Variants in PHTF2 observed in about 807,000 individuals in gnomAD.
The protein encoded by PHTF2 is protein PHTF2.
In PHTF2, 60 loss-of-function variants were observed where a neutral mutation model predicts 101.2. That is an observed-to-expected ratio of 0.59 (90% CI 0.48 to 0.73). The LOEUF is 0.73. Among genes scored for constraint, PHTF2 ranks in the 30% least tolerant of loss-of-function variants. The pLI is 0.00. For missense variants in PHTF2, 747 were observed against 908.7 expected (o/e 0.82, Z 2.29); for synonymous variants, 311 against 307.3 (o/e 1.01, Z -0.13).
At chr7:77,912,381 G>C (rs955039131) in intron 9 of PHTF2, among the ~76,000 whole-genome samples, 2 of 152,174 alleles carry the variant, frequency 1.3e-5, no homozygotes, top group African/African-American at 2.4e-5. Flanking sequence ...GTCCTAAGCT[G>C]AGTTCAGAGA....
intron 1 of PHTF2, among the ~76,000 whole-genome samples, chr7:77,820,639 A>G (rs1471273866): frequency 6.6e-6 from 1 of 152,068 alleles, no homozygotes; most frequent in Non-Finnish European, 1.5e-5. Context: ...CAGTCTCCCA[A>G]AGCAGTGGGA....
At chr7:77,919,097 A>G (rs1424695586) in intron 9 of PHTF2, among the ~76,000 whole-genome samples, 1 of 152,158 alleles carries the variant, frequency 6.6e-6, no homozygotes, top group African/African-American at 2.4e-5. Flanking sequence ...TAATAGTCAG[A>G]AGGTCTGTAC....
chr7:77,884,956 G>A (rs929808321), intron 3 of PHTF2, among the ~76,000 whole-genome samples: 13 of 152,054 alleles, frequency 8.5e-5, no homozygotes, highest in African/African-American at 2.7e-4. Flanking sequence ...AGGTATAAAA[G>A]CAACATAAAC....
chr7:77,822,045 C>T (rs550555774), intron 1 of PHTF2, among the ~76,000 whole-genome samples: 155 of 152,220 alleles, frequency 1.0e-3, no homozygotes, highest in African/African-American at 3.5e-3. Context: ...TCTGCCAGCC[C>T]GAGGGATGTA....
rs548433839 is a variant in PHTF2, at chr7:77,939,647, C to T, written c.1468-383C>T. Among the ~76,000 whole-genome samples the T allele has an allele frequency of 1.3e-4, 20 of 148,570 alleles. No homozygotes were observed. In the East Asian group the frequency reaches 2.4e-3, roughly 18 times the overall value. On this transcript the variant is annotated intron_variant, in intron 13 of 19. Coordinates refer to ENST00000416283, the Ensembl canonical transcript of PHTF2. Reference sequence around the variant, plus strand: ...AAACCTCAAGTTACAAATGTACAAACGTATGAAATAAGTGTAATGCTGAGT... The same window carrying T: ...AAACCTCAAGTTACAAATGTACAAATGTATGAAATAAGTGTAATGCTGAGT...
intron 15 of PHTF2, among the ~76,000 whole-genome samples, chr7:77,942,222 A>G (rs905582706): frequency 6.6e-5 from 10 of 152,188 alleles, no homozygotes; most frequent in Admixed American, 2.0e-4. Context: ...CTCCCTGCCA[A>G]GTATCTCAAA....
chr7:77,824,103 C>G (rs143137800), intron 1 of PHTF2, among the ~76,000 whole-genome samples: 12 of 152,098 alleles, frequency 7.9e-5, no homozygotes, highest in Non-Finnish European at 1.5e-4. Flanking sequence ...TTTATTCCTT[C>G]ATAATTATTG....
At chr7:77,822,717 G>A (rs959645599) in intron 1 of PHTF2, among the ~76,000 whole-genome samples, 3 of 152,036 alleles carry the variant, frequency 2.0e-5, no homozygotes, top group Non-Finnish European at 2.9e-5. Flanking sequence ...CTTCCATGCT[G>A]CCCTCCAATC....
At chr7:77,913,485 TAA>T (rs996587649) in intron 9 of PHTF2, among the ~76,000 whole-genome samples, 45 of 152,264 alleles carry the variant, frequency 3.0e-4, no homozygotes, top group African/African-American at 9.4e-4. Context: ...TAGTTTCTAT[TAA>T]AGAGATTGAA....
intron 16 of PHTF2, 70 bp from the exon 16 acceptor site, chr7:77,949,608 G>A: frequency 3.9e-6 from 3 of 762,318 alleles, no homozygotes; most frequent in Admixed American, 6.2e-5. Flanking sequence ...AACAATCTAT[G>A]TTTATTTCTT....
intron 7 of PHTF2, among the ~76,000 whole-genome samples, chr7:77,902,130 G>A (rs1425909312): frequency 1.3e-5 from 2 of 151,844 alleles, no homozygotes; most frequent in East Asian, 1.9e-4. Flanking sequence ...TCTATAGATG[G>A]CTAAAGAAAA....
chr7:77,837,978 A>C (rs1185920819), intron 1 of PHTF2, among the ~76,000 whole-genome samples: 1 of 152,182 alleles, frequency 6.6e-6, no homozygotes, highest in Non-Finnish European at 1.5e-5. Context: ...AATATTTGTC[A>C]ATAAAGATTG....
At chr7:77,915,245 C>T (rs848479) in intron 9 of PHTF2, among the ~76,000 whole-genome samples, 3 of 138,154 alleles carry the variant, frequency 2.2e-5, no homozygotes, top group Non-Finnish European at 3.1e-5. Context: ...TTTGAGATGG[C>T]GTCTCACTCT....
At chr7:77,931,747 G>T (rs957857588) in intron 12 of PHTF2, among the ~76,000 whole-genome samples, 1 of 152,138 alleles carries the variant, frequency 6.6e-6, no homozygotes, top group African/African-American at 2.4e-5. Context: ...ATTGCATTGT[G>T]CATGATAGTG....
chr7:77,871,256 C>T (rs981240688), intron 3 of PHTF2, among the ~76,000 whole-genome samples: 7 of 152,162 alleles, frequency 4.6e-5, no homozygotes, highest in Non-Finnish European at 8.8e-5. Flanking sequence ...TATTAAGAGA[C>T]GCCTTAATGG....
intron 11 of PHTF2, among the ~76,000 whole-genome samples, chr7:77,925,603 G>A (rs921850152): frequency 7.1e-6 from 1 of 141,542 alleles, no homozygotes; most frequent in South Asian, 2.3e-4. Context: ...TCCGCCTCCC[G>A]GGTTCAAGTG....
At position 77,954,132 on chromosome 7, in the gene PHTF2, G is replaced by GT. The variant is rs1020971605; in HGVS notation, c.2337+246dup. Among the ~76,000 whole-genome samples the GT allele has an allele frequency of 5.0e-4, 76 of 151,806 alleles. 1 individual carries two copies. In the Middle Eastern group the frequency reaches 0.01, roughly 20 times the overall value. ...TGTGTAGGATAAGTAGAAGTATTTG[G>GT]TTTTTTTTATTTTTTATTTTGAGAT... On this transcript the variant is annotated intron_variant, in intron 19 of 19. Coordinates refer to ENST00000416283, the Ensembl canonical transcript of PHTF2.
At chr7:77,805,181 A>G (rs1008093368) in intron 1 of PHTF2, among the ~76,000 whole-genome samples, 4 of 152,202 alleles carry the variant, frequency 2.6e-5, no homozygotes, top group African/African-American at 7.2e-5. Flanking sequence ...CGTTTAATGT[A>G]AAGTTGTTAA....
At chr7:77,816,530 T>C (rs1793869326) in intron 1 of PHTF2, among the ~76,000 whole-genome samples, 2 of 152,258 alleles carry the variant, frequency 1.3e-5, no homozygotes, top group Non-Finnish European at 2.9e-5. Flanking sequence ...GATGTTTCAG[T>C]ACATGTAATG....
Sources: gnomAD v4.1 joint callset for allele counts (sites outside exome capture counted in the v4.1 genomes callset) on GRCh38, gnomAD v4.1.1 for gene constraint, MANE v1.5 for transcripts, NCBI Gene and HGNC (gene_info 2026-07-23, HGNC 2026-07-21) for gene names.